Variants in PRKCA observed in about 807,000 individuals in gnomAD.
PRKCA encodes protein kinase C alpha.
A neutral mutation model predicts 87.0 loss-of-function variants in PRKCA; 27 were observed. The observed-to-expected ratio is 0.31, with a 90% CI of 0.23 to 0.43. The LOEUF is 0.43. Among genes scored for constraint, PRKCA ranks in the 20% least tolerant of loss-of-function variants. PRKCA has a pLI of 1.00. For missense variants in PRKCA, 518 were observed against 852.3 expected, an observed-to-expected ratio of 0.61 and a Z score of 4.88; for synonymous variants, 329 against 311.1, an observed-to-expected ratio of 1.06 and a Z score of -0.61.
At chr17:66,361,131 G>A (rs947234745) in intron 2 of PRKCA, among the ~76,000 whole-genome samples, 5 of 151,886 alleles carry the variant, frequency 3.3e-5, no homozygotes, top group African/African-American at 9.7e-5. Context: ...TAGATAGGAA[G>A]GATGTTTCCA....
chr17:66,757,010 G>T (rs1974563788), intron 13 of PRKCA, among the ~76,000 whole-genome samples: 1 of 152,120 alleles, frequency 6.6e-6, no homozygotes, highest in Non-Finnish European at 1.5e-5. Flanking sequence ...AAGGGCTTTA[G>T]TGGAAAAAAG....
chr17:66,315,339 T>C (rs1357904494), intron 2 of PRKCA, among the ~76,000 whole-genome samples: 1 of 152,210 alleles, frequency 6.6e-6, no homozygotes, highest in Non-Finnish European at 1.5e-5. Context: ...GATTCAGACC[T>C]GGGCAGTATG....
intron 2 of PRKCA, among the ~76,000 whole-genome samples, chr17:66,335,977 A>AG (rs1378545688): frequency 6.6e-6 from 1 of 152,202 alleles, no homozygotes; most frequent in Admixed American, 6.5e-5. Context: ...GCAGTGTATG[A>AG]GGGTCAGCTT....
At chr17:66,693,873 T>G (rs960604067) in intron 8 of PRKCA, among the ~76,000 whole-genome samples, 3 of 152,206 alleles carry the variant, frequency 2.0e-5, no homozygotes, top group Non-Finnish European at 4.4e-5. Context: ...CAGACCAGAA[T>G]TGGCCCAAGG....
intron 2 of PRKCA, among the ~76,000 whole-genome samples, chr17:66,390,659 C>T (rs1910308473): frequency 6.6e-6 from 1 of 152,214 alleles, no homozygotes; most frequent in South Asian, 2.1e-4. Context: ...AAAGGTCATA[C>T]CTTAGTCACT....
chr17:66,702,616 T>C (rs1973091558), intron 8 of PRKCA, among the ~76,000 whole-genome samples: 1 of 152,162 alleles, frequency 6.6e-6, no homozygotes, highest in Non-Finnish European at 1.5e-5. Flanking sequence ...ACAGATATGT[T>C]AATTAGTTTG....
rs552424696 is a variant in PRKCA, at chr17:66,689,653, C to T, written c.918+606C>T. 2.6e-5 allele frequency among the ~76,000 whole-genome samples: 4 copies of T among 152,278 alleles called. No individual in the cohort carries two copies. The South Asian group carries it at 8.3e-4, about 32-fold the overall frequency. On this transcript the variant is annotated intron_variant, in intron 8 of 16. Transcript: ENST00000413366. The surrounding 1 kb of genome is among the most constrained non-coding windows in gnomAD (Gnocchi z 4.1). ...TGGTCTTTTTACTTCTCCTCCTCTG[C>T]TCCTTACTCCTCTTTTTCTTCTCCT...
At chr17:66,654,254 G>T (rs1401963867) in intron 5 of PRKCA, among the ~76,000 whole-genome samples, 1 of 152,196 alleles carries the variant, frequency 6.6e-6, no homozygotes, top group Non-Finnish European at 1.5e-5. Flanking sequence ...CTAGAAAGGG[G>T]ACATGAAGGG....
At chr17:66,497,324 C>A (rs535942190) in intron 3 of PRKCA, among the ~76,000 whole-genome samples, 3 of 152,110 alleles carry the variant, frequency 2.0e-5, no homozygotes, top group African/African-American at 7.2e-5. Context: ...ATGGAGAAAC[C>A]CTGTCTCTAC....
chr17:66,530,834 T>C (rs1967509278), intron 3 of PRKCA, among the ~76,000 whole-genome samples: 1 of 151,432 alleles, frequency 6.6e-6, no homozygotes. Context: ...GGTGGTAATA[T>C]TGGGGCAAGT....
intron 3 of PRKCA, among the ~76,000 whole-genome samples, chr17:66,538,317 C>T (rs1427287411): frequency 1.3e-5 from 2 of 152,224 alleles, no homozygotes; most frequent in African/African-American, 4.8e-5. Context: ...TGCCACCCAA[C>T]TGACTGCTCT....
At chr17:66,336,657 T>G in intron 2 of PRKCA, among the ~76,000 whole-genome samples, 1 of 131,882 alleles carries the variant, frequency 7.6e-6, no homozygotes, top group East Asian at 2.0e-4. Context: ...TATTAAACAT[T>G]TGCCTATATA....
At chr17:66,360,249 C>G (rs911002583) in intron 2 of PRKCA, among the ~76,000 whole-genome samples, 3 of 152,062 alleles carry the variant, frequency 2.0e-5, no homozygotes, top group Non-Finnish European at 4.4e-5. Context: ...ACCATGGGAC[C>G]CTTTCACATT....
In PRKCA at chr17:66,742,637, T is replaced by A; in HGVS notation, c.1401T>A (p.Asp467Glu). ...RGIIYRDLKL[D>E]NVMLDSEGHI... is the part of the protein sequence containing the mutation. ...TTCCTTGCAGGGATCTGAAGTTAGATAACGTCATGTTGGATTCAGAAGGAC... is the reference window on the plus strand; with the variant it reads ...TTCCTTGCAGGGATCTGAAGTTAGAAAACGTCATGTTGGATTCAGAAGGAC... The change falls in exon 13 of 17, where the codon GAT becomes GAA. Residue 467 changes from aspartate to glutamate, a missense_variant. Physicochemically the swap from Asp to Glu is conservative, Grantham distance 45. Transcript: ENST00000413366. 1 of 1,614,164 alleles carries A rather than the reference T, an allele frequency of 6.2e-7. No homozygotes were observed.
rs966007322 is a variant in PRKCA, at chr17:66,803,746, A to G, written c.1855-127A>G. 3.0e-6 allele frequency: 4 copies of G among 1,317,178 alleles called. No homozygotes were observed. The Admixed American group carries it at 9.9e-5, about 33-fold the overall frequency. 81.6% of individuals were successfully genotyped at this position (1,317,178 alleles called of 1,614,324 possible). ...ATCCAATAGGCCTGCAAGTCCTCCG[A>G]GATTCCTCCTCCTAACCAGCCCGGA... is the stretch of plus-strand genomic sequence containing the variant. On this transcript the variant is annotated intron_variant, in intron 16 of 16. Coordinates refer to ENST00000413366, the MANE Select transcript of PRKCA (RefSeq NM_002737.3). The surrounding 1 kb of genome is among the most constrained non-coding windows in gnomAD (Gnocchi z 4.4).
intron 2 of PRKCA, among the ~76,000 whole-genome samples, chr17:66,430,871 A>T (rs1209006811): frequency 6.6e-6 from 1 of 152,152 alleles, no homozygotes; most frequent in Admixed American, 6.5e-5. Flanking sequence ...ACTGCTGATT[A>T]CTTCAGTTCC....
At chr17:66,354,651 G>A (rs1426801084) in intron 2 of PRKCA, among the ~76,000 whole-genome samples, 2 of 151,976 alleles carry the variant, frequency 1.3e-5, no homozygotes, top group Non-Finnish European at 2.9e-5. Context: ...CTGCATATTT[G>A]GCCTCGGACT....
chr17:66,526,727 T>C (rs1967358867), intron 3 of PRKCA, among the ~76,000 whole-genome samples: 1 of 151,708 alleles, frequency 6.6e-6, no homozygotes, highest in Non-Finnish European at 1.5e-5. Flanking sequence ...TTCAAAGTCA[T>C]ATGAAAAAAA....
intron 3 of PRKCA, among the ~76,000 whole-genome samples, chr17:66,632,768 A>G (rs1036406193): frequency 1.3e-5 from 2 of 152,228 alleles, no homozygotes; most frequent in Non-Finnish European, 2.9e-5. Flanking sequence ...TTTAACTGCC[A>G]TGGAGTATTC....
Sources: allele counts gnomAD v4.1 joint callset (sites outside exome capture counted in the v4.1 genomes callset), GRCh38; gene constraint gnomAD v4.1.1; non-coding constraint Gnocchi (gnomAD v3.1); transcripts MANE v1.5; gene names NCBI Gene and HGNC (gene_info 2026-07-23, HGNC 2026-07-21).